The following NAV1 variants were observed in gnomAD, a reference collection of about 807,000 sequenced individuals.
The protein encoded by NAV1 is neuron navigator 1.
A neutral mutation model predicts 175.2 loss-of-function variants in NAV1; 18 were observed. The ratio of observed to expected loss-of-function variants is 0.10; its 90% confidence interval spans 0.07 to 0.15. The LOEUF is 0.15. Among genes scored for constraint, NAV1 ranks in the 10% least tolerant of loss-of-function variants. The probability of loss-of-function intolerance (pLI) is 1.00; values close to 1 mark genes in which losing one functional copy is unlikely to be tolerated. For synonymous variants in NAV1, 897 were observed against 978.7 expected (o/e 0.92, Z 1.56); for missense variants, 1,731 against 2,436.6 (o/e 0.71, Z 6.10).
At chr1:201,658,492 AG>A (rs1246237981) in intron 1 of NAV1, among the ~76,000 whole-genome samples, 2 of 151,984 alleles carry the variant, frequency 1.3e-5, no homozygotes, top group East Asian at 3.9e-4. Context: ...AAAGGAAGGG[AG>A]GAGGAACTGT....
At chr1:201,686,885 C>G (rs1207543598) in intron 1 of NAV1, among the ~76,000 whole-genome samples, 1 of 152,252 alleles carries the variant, frequency 6.6e-6, no homozygotes, top group Non-Finnish European at 1.5e-5. Context: ...AGGAGGCTCA[C>G]TTTTGCTGCC....
chr1:201,553,144 G>T (rs1367461058), intron 1 of NAV1, among the ~76,000 whole-genome samples: 1 of 152,248 alleles, frequency 6.6e-6, no homozygotes, highest in Non-Finnish European at 1.5e-5. Context: ...TGGTAAGGTG[G>T]GAGATTTGAA....
chr1:201,816,985 A>G, intron 28 of NAV1, 103 bp from the exon 33 acceptor site: 4 of 1,072,726 alleles, frequency 3.7e-6, no homozygotes, highest in Non-Finnish European at 5.4e-6. Context: ...GGAAGTGCAT[A>G]TTTTTAAGGA....
chr1:201,763,810 A>C (rs1326658439), intron 3 of NAV1, among the ~76,000 whole-genome samples: 1 of 152,170 alleles, frequency 6.6e-6, no homozygotes, highest in South Asian at 2.1e-4. Context: ...ATCCCAATAA[A>C]ATATATTGAT....
chr1:201,812,602 A>G lies in NAV1; in HGVS notation c.5162A>G (p.Lys1721Arg). The G allele has an allele frequency of 6.2e-7, 1 of 1,614,186 alleles. No homozygotes were observed. Among genetic ancestry groups the G allele is most frequent in the Non-Finnish European group, 8.5e-7 (1 of 1,180,050 alleles). ...CTTCGGGTGCTCGACTGGGTACCCAAGCTGTGGTATCATCTCCACACCTTC... is the reference window on the plus strand; with the variant it reads ...CTTCGGGTGCTCGACTGGGTACCCAGGCTGTGGTATCATCTCCACACCTTC... The change falls in exon 27 of 30, where the codon AAG becomes AGG. Residue 1721 changes from lysine (K) to arginine (R), a missense_variant. Physicochemically the swap from Lys to Arg is conservative, Grantham distance 26. This residue lies in a region of NAV1 where 115 missense variants were observed against 269.4 expected (regional missense o/e 0.43). Coordinates refer to ENST00000367296, the Ensembl canonical transcript of NAV1. This position sits in a 1 kb window ranked among gnomAD's most constrained non-coding sequence, Gnocchi z 4.6.
intron 2 of NAV1, among the ~76,000 whole-genome samples, chr1:201,603,154 T>G (rs1558014530): frequency 6.6e-6 from 1 of 152,212 alleles, no homozygotes; most frequent in Non-Finnish European, 1.5e-5. Context: ...GAGACTGGAC[T>G]GAAAATTACA....
chr1:201,543,196 C>T (rs963827525), intron 1 of NAV1, among the ~76,000 whole-genome samples: 36 of 152,220 alleles, frequency 2.4e-4, no homozygotes, highest in African/African-American at 8.4e-4. Flanking sequence ...ACATCCTTCT[C>T]TTGTTCTTGA....
At chr1:201,621,501 T>G (rs796156243), upstream of NAV1, among the ~76,000 whole-genome samples, 7 of 152,078 alleles carry the variant, frequency 4.6e-5, no homozygotes, top group African/African-American at 1.7e-4. Context: ...CTGGCTAATT[T>G]TTGTATTTTT....
intron 1 of NAV1, among the ~76,000 whole-genome samples, chr1:201,653,239 C>G (rs543470165): frequency 6.6e-6 from 1 of 152,310 alleles, no homozygotes; most frequent in South Asian, 2.1e-4. Context: ...AGTCTTTTGA[C>G]ACTCCAGGTG....
chr1:201,767,428 G>A (rs1675279379), intron 3 of NAV1, among the ~76,000 whole-genome samples: 1 of 151,812 alleles, frequency 6.6e-6, no homozygotes, highest in Admixed American at 6.6e-5. Flanking sequence ...TCCAGCCTGG[G>A]TGACAGGGCG....
At chr1:201,621,848 C>A (rs1037546182), upstream of NAV1, among the ~76,000 whole-genome samples, 1 of 152,146 alleles carries the variant, frequency 6.6e-6, no homozygotes, top group Non-Finnish European at 1.5e-5. Flanking sequence ...CATTTTTTAA[C>A]CTTTAACTCT....
intron 3 of NAV1, among the ~76,000 whole-genome samples, chr1:201,767,602 T>A (rs1675296759): frequency 6.6e-6 from 1 of 152,216 alleles, no homozygotes; most frequent in East Asian, 1.9e-4. Context: ...TTCTACTAAG[T>A]CTTTGAAAGC....
At chr1:201,631,853 G>C (rs952795689) in intron 2 of NAV1, among the ~76,000 whole-genome samples, 1 of 151,910 alleles carries the variant, frequency 6.6e-6, no homozygotes, top group Non-Finnish European at 1.5e-5. Flanking sequence ...TTTTTTTGAA[G>C]CTCATGTATC....
intron 3 of NAV1, chr1:201,725,018 C>T (rs906309738): frequency 1.3e-5 from 2 of 152,342 alleles, no homozygotes; most frequent in African/African-American, 4.8e-5. Context: ...TAAAGAGACA[C>T]TTCCAGCCTT....
At chr1:201,743,041 A>C (rs1348042543) in intron 3 of NAV1, among the ~76,000 whole-genome samples, 1 of 152,134 alleles carries the variant, frequency 6.6e-6, no homozygotes, top group Non-Finnish European at 1.5e-5. Context: ...TTTTTCATTT[A>C]ATCTTCACAA....
At chr1:201,806,727 G>T (rs1678310300) in intron 17 of NAV1, among the ~76,000 whole-genome samples, 1 of 152,128 alleles carries the variant, frequency 6.6e-6, no homozygotes, top group African/African-American at 2.4e-5. Flanking sequence ...AGCCCTGACT[G>T]CTCAGTGATA....
intron 1 of NAV1, among the ~76,000 whole-genome samples, chr1:201,650,045 A>C (rs887657139): frequency 6.6e-6 from 1 of 152,222 alleles, no homozygotes; most frequent in African/African-American, 2.4e-5. Flanking sequence ...CCGATACCTC[A>C]GCCCCGGCTC....
chr1:201,679,737 AAC>A (rs1670392639), intron 1 of NAV1, among the ~76,000 whole-genome samples: 1 of 152,180 alleles, frequency 6.6e-6, no homozygotes, highest in Non-Finnish European at 1.5e-5. Context: ...AGGGGTTTTG[AAC>A]AGGTGTCTGG....
chr1:201,702,974 C>T (rs1671502413), intron 1 of NAV1, among the ~76,000 whole-genome samples: 1 of 152,158 alleles, frequency 6.6e-6, no homozygotes, highest in African/African-American at 2.4e-5. Context: ...GTACCCAGCC[C>T]TGTAGAAGAG....
Sources: gnomAD v4.1 joint callset for allele counts (sites outside exome capture counted in the v4.1 genomes callset) on GRCh38, gnomAD v4.1.1 for gene constraint, gnomAD v4.1.1 regional missense constraint, Gnocchi (gnomAD v3.1) non-coding constraint, MANE v1.5 for transcripts, NCBI Gene and HGNC (gene_info 2026-07-23, HGNC 2026-07-21) for gene names.